Variants in PAX3 observed in about 807,000 individuals in gnomAD.
PAX3 encodes paired box 3, also known as paired box protein Pax-3.
PAX3 carries 14 observed loss-of-function variants against 51.6 expected under a neutral mutation model. The ratio of observed to expected loss-of-function variants is 0.27; its 90% confidence interval spans 0.18 to 0.42. PAX3 has a LOEUF of 0.42. Ranked by LOEUF, PAX3 falls within the 10% of genes least tolerant of loss-of-function variation. The pLI is 1.00. For synonymous variants in PAX3, 280 were observed against 253.4 expected, an observed-to-expected ratio of 1.11 and a Z score of -1.00; for missense variants, 540 against 642.8, an observed-to-expected ratio of 0.84 and a Z score of 1.73.
intron 2 of PAX3, among the ~76,000 whole-genome samples, chr2:222,296,518 C>T (rs45495903): frequency 0.013 from 2,021 of 152,086 alleles, 49 homozygotes; most frequent in African/African-American, 0.046. Context: ...TCATTGAAAA[C>T]AATTTGCACT....
intron 4 of PAX3, among the ~76,000 whole-genome samples, chr2:222,254,014 G>A (rs146585612): frequency 2.6e-5 from 4 of 152,070 alleles, no homozygotes; most frequent in East Asian, 1.9e-4. Context: ...AAATACTTAC[G>A]CAGTGCCTGC....
At chr2:222,252,592 C>T (rs1025860107) in intron 4 of PAX3, among the ~76,000 whole-genome samples, 2 of 152,138 alleles carry the variant, frequency 1.3e-5, no homozygotes, top group Admixed American at 6.5e-5. Flanking sequence ...TCAAAACTCC[C>T]ATTATCCACA....
chr2:222,241,965 G>C (rs536870341), intron 4 of PAX3, among the ~76,000 whole-genome samples: 1 of 152,320 alleles, frequency 6.6e-6, no homozygotes, highest in East Asian at 1.9e-4. Flanking sequence ...TTTTAGAAAT[G>C]CAGTCATTCT....
intron 4 of PAX3, among the ~76,000 whole-genome samples, chr2:222,281,943 A>C (rs1694661789): frequency 6.6e-6 from 1 of 152,244 alleles, no homozygotes; most frequent in Admixed American, 6.5e-5. Context: ...CGAAAGTTCT[A>C]GAATTAAGAA....
chr2:222,201,394 A>G lies in PAX3; in HGVS notation c.*14T>C. On this transcript the variant is annotated 3_prime_UTR_variant, in exon 9 of 9. Coordinates refer to ENST00000392070, the MANE Select transcript of PAX3 (RefSeq NM_181458.4). Reference sequence around the variant, plus strand: ...AGAAACAGGGCCAGTTTTAGCTCCAAGTGGACAGTTCACTTACGCGATATC... The same window carrying G: ...AGAAACAGGGCCAGTTTTAGCTCCAGGTGGACAGTTCACTTACGCGATATC... 4 of 1,613,956 alleles carry G rather than the reference A, an allele frequency of 2.5e-6. No individual in the cohort carries two copies. Among genetic ancestry groups the G allele is most frequent in the Non-Finnish European group, 3.4e-6 (4 of 1,179,996 alleles).
intron 7 of PAX3, among the ~76,000 whole-genome samples, chr2:222,206,858 G>A (rs1166707503): frequency 6.6e-6 from 1 of 152,106 alleles, no homozygotes; most frequent in Non-Finnish European, 1.5e-5. Context: ...AATCTAAAAT[G>A]ATTCAGTAAA....
At chr2:222,230,617 G>A (rs1487603605) in intron 5 of PAX3, among the ~76,000 whole-genome samples, 1 of 152,060 alleles carries the variant, frequency 6.6e-6, no homozygotes, top group East Asian at 1.9e-4. Flanking sequence ...AGCACTTTGG[G>A]AGGCCAAGGC....
intron 4 of PAX3, among the ~76,000 whole-genome samples, chr2:222,253,938 G>T (rs953052219): frequency 6.6e-6 from 1 of 152,074 alleles, no homozygotes; most frequent in Non-Finnish European, 1.5e-5. Context: ...ATATAGACAT[G>T]AGCCACCACA....
chr2:222,200,987 T>C lies in PAX3; in HGVS notation c.*421A>G, dbSNP rs1050650007. 1.9e-5 allele frequency: 12 copies of C among 629,050 alleles called. No homozygotes were observed. The Admixed American group carries it at 3.0e-4, about 15-fold the overall frequency. 39.0% of individuals were successfully genotyped at this position (629,050 alleles called of 1,614,324 possible). A position where few individuals can be genotyped will look rare whatever the true frequency, so the allele number is the denominator to read the frequency against. ...TGTTATACTTTAGGGTATTCTATTA[T>C]ATTTTAGAACAGTCTGCTTGCCCAA... On this transcript the variant is annotated 3_prime_UTR_variant, in exon 9 of 9. Coordinates refer to ENST00000392070, the MANE Select transcript of PAX3 (RefSeq NM_181458.4).
At chr2:222,235,062 TG>T (rs1692748459) in intron 4 of PAX3, among the ~76,000 whole-genome samples, 1 of 152,210 alleles carries the variant, frequency 6.6e-6, no homozygotes, top group Non-Finnish European at 1.5e-5. Flanking sequence ...ATGTTTCCTT[TG>T]GGAGTCTCTG....
intron 7 of PAX3, among the ~76,000 whole-genome samples, chr2:222,215,659 G>A (rs1165979232): frequency 6.6e-6 from 1 of 152,072 alleles, no homozygotes; most frequent in Non-Finnish European, 1.5e-5. Flanking sequence ...CACATCTTGA[G>A]CATATGGTAG....
intron 5 of PAX3, among the ~76,000 whole-genome samples, chr2:222,225,256 A>T (rs1304310692): frequency 1.3e-5 from 2 of 152,048 alleles, no homozygotes; most frequent in African/African-American, 4.8e-5. Flanking sequence ...GTACTTCCCA[A>T]CTTGTATGTC....
intron 7 of PAX3, among the ~76,000 whole-genome samples, chr2:222,210,169 C>T (rs1691671688): frequency 6.6e-6 from 1 of 152,196 alleles, no homozygotes; most frequent in South Asian, 2.1e-4. Context: ...TGGCAACATG[C>T]AGAACCTACT....
intron 5 of PAX3, among the ~76,000 whole-genome samples, chr2:222,231,210 A>G (rs1423313932): frequency 1.3e-5 from 2 of 152,180 alleles, no homozygotes; most frequent in East Asian, 3.9e-4. Flanking sequence ...TCCACTGCTG[A>G]GTCCCCAGCC....
chr2:222,297,069 C>A lies in PAX3; in HGVS notation c.230G>T (p.Arg77Leu), dbSNP rs1315006275. 6.2e-7 allele frequency: 1 copy of A among 1,614,150 alleles called. No homozygotes were observed. The highest frequency in any genetic ancestry group is 8.5e-7 in the Non-Finnish European group (1 of 1,180,016). The part of the protein sequence containing the change: ...IRPCVISRQL[R>L]VSHGCVSKIL... ...CTTGGAGACGCAGCCGTGGGACACG[C>A]GCAGCTGGCGCGAGATGACGCAGGG... Residue 77 changes from arginine (R) to leucine (L), a missense_variant, in exon 2 of 9, where the codon CGC (arginine) becomes CTC (leucine). Physicochemically the swap from Arg to Leu is moderately radical, Grantham distance 102 (BLOSUM62 -2). This residue lies in a region of PAX3 where 50 missense variants were observed against 109.3 expected (regional missense o/e 0.46). Transcript: ENST00000392070.
chr2:222,205,173 C>A (rs1256717591), intron 7 of PAX3, among the ~76,000 whole-genome samples: 1 of 152,100 alleles, frequency 6.6e-6, no homozygotes, highest in Non-Finnish European at 1.5e-5. Flanking sequence ...ACTCTTAAGA[C>A]CTTGAAGTAT....
intron 4 of PAX3, among the ~76,000 whole-genome samples, chr2:222,270,629 G>A (rs1326062020): frequency 1.3e-5 from 2 of 152,180 alleles, no homozygotes; most frequent in African/African-American, 2.4e-5. Context: ...ATAAATGTCA[G>A]AGAGCCAGCC....
rs199808040 is a variant in PAX3 at position 222,294,123 on chromosome 2, C to G, written c.586+44G>C. The G allele has an allele frequency of 3.1e-6, 5 of 1,613,310 alleles. No homozygotes were observed. In the African/African-American group the frequency reaches 4.0e-5, roughly 13 times the overall value. ...ACCAATGTCAGCTAGCCGATGCCCTCCAAGTCACCCAGCAAGTGCGCCGCC... is the reference window on the plus strand; with the variant it reads ...ACCAATGTCAGCTAGCCGATGCCCTGCAAGTCACCCAGCAAGTGCGCCGCC... On this transcript the variant is annotated intron_variant, in intron 4 of 8. Coordinates refer to ENST00000392070, the MANE Select transcript of PAX3 (RefSeq NM_181458.4).
intron 4 of PAX3, among the ~76,000 whole-genome samples, chr2:222,290,084 C>T (rs1448491755): frequency 2.0e-5 from 3 of 152,156 alleles, no homozygotes; most frequent in Non-Finnish European, 4.4e-5. Flanking sequence ...CCAAAATGGC[C>T]CTTCCTGCTC....
Sources: gnomAD v4.1 joint callset for allele counts (sites outside exome capture counted in the v4.1 genomes callset) on GRCh38, gnomAD v4.1.1 for gene constraint, gnomAD v4.1.1 regional missense constraint, MANE v1.5 for transcripts, NCBI Gene and HGNC (gene_info 2026-07-23, HGNC 2026-07-21) for gene names.